CD47: variants seen among roughly 807,000 people sequenced by gnomAD.
The protein encoded by CD47 is leukocyte surface antigen CD47.
CD47 carries 11 observed loss-of-function variants against 44.6 expected under a neutral mutation model. The observed-to-expected ratio is 0.25, with a 90% confidence interval of 0.16 to 0.41. The LOEUF (loss-of-function observed/expected upper bound fraction) is 0.41. Among genes scored for constraint, CD47 ranks in the 10% least tolerant of loss-of-function variants. The pLI is 1.00. For synonymous variants in CD47, 140 were observed against 136.3 expected, an observed-to-expected ratio of 1.03 and a Z score of -0.19; for missense variants, 306 against 386.7, an observed-to-expected ratio of 0.79 and a Z score of 1.75.
Position 108,071,083 on chromosome 3 carries a change from TA to T in CD47, c.490+9del. On this transcript the variant is annotated intron_variant, in intron 3 of 10. Transcript: ENST00000361309. Reference sequence around the variant, plus strand: ...CTGAAACATAAATGAAAAGTAGAAATAATACTTACTTTTAATACCAAACTGT... The same window carrying T: ...CTGAAACATAAATGAAAAGTAGAAATATACTTACTTTTAATACCAAACTGT... 1 of 1,145,892 alleles carries T rather than the reference TA, an allele frequency of 8.7e-7. No homozygotes were observed. Among genetic ancestry groups the T allele is most frequent in the Non-Finnish European group, 1.3e-6 (1 of 792,836 alleles). 71.0% of individuals were successfully genotyped at this position (1,145,892 alleles called of 1,614,324 possible).
At chr3:108,056,198 A>G (rs2078910882) in intron 7 of CD47, among the ~76,000 whole-genome samples, 1 of 152,238 alleles carries the variant, frequency 6.6e-6, no homozygotes, top group Non-Finnish European at 1.5e-5. Context: ...CACTGTAGCT[A>G]CCACATGAAT....
chr3:108,088,062 TGA>T (rs1308209825), intron 1 of CD47, among the ~76,000 whole-genome samples: 1 of 152,110 alleles, frequency 6.6e-6, no homozygotes, highest in Non-Finnish European at 1.5e-5. Flanking sequence ...AAAATCAGAC[TGA>T]GAGATAAGAT....
At chr3:108,089,441 G>T (rs998987089) in intron 1 of CD47, among the ~76,000 whole-genome samples, 2 of 152,034 alleles carry the variant, frequency 1.3e-5, no homozygotes, top group African/African-American at 4.8e-5. Flanking sequence ...ATAGTATATG[G>T]TTTATACTTT....
intron 7 of CD47, among the ~76,000 whole-genome samples, chr3:108,057,165 TAC>T (rs1358259378): frequency 6.6e-6 from 1 of 152,172 alleles, no homozygotes; most frequent in Non-Finnish European, 1.5e-5. Flanking sequence ...TATAAAAAGG[TAC>T]ACATTCTAAT....
At chr3:108,090,583 C>A (rs1407522201) in intron 1 of CD47, among the ~76,000 whole-genome samples, 2 of 152,056 alleles carry the variant, frequency 1.3e-5, no homozygotes, top group African/African-American at 4.8e-5. Flanking sequence ...TGGAGTCTTC[C>A]TGTGTGTGTG....
intron 7 of CD47, chr3:108,053,312 G>T (rs2078860966): frequency 6.6e-6 from 1 of 152,250 alleles, no homozygotes; most frequent in Non-Finnish European, 1.5e-5. Context: ...TTCTCAAACA[G>T]GAAAAATGGC....
intron 1 of CD47, among the ~76,000 whole-genome samples, chr3:108,084,269 A>C (rs954622527): frequency 6.6e-6 from 1 of 151,978 alleles, no homozygotes; most frequent in East Asian, 1.9e-4. Flanking sequence ...AAAATCAAAT[A>C]TGCATGGTTC....
At chr3:108,089,334 T>C (rs2079583255) in intron 1 of CD47, among the ~76,000 whole-genome samples, 1 of 152,224 alleles carries the variant, frequency 6.6e-6, no homozygotes, top group African/African-American at 2.4e-5. Context: ...TGATATTAAC[T>C]ATTACTAAAG....
intron 3 of CD47, among the ~76,000 whole-genome samples, chr3:108,069,043 C>T (rs762010433): frequency 1.3e-5 from 2 of 152,150 alleles, no homozygotes; most frequent in Non-Finnish European, 2.9e-5. Flanking sequence ...TGCTTTTTCA[C>T]CCATCAAATT....
intron 2 of CD47, among the ~76,000 whole-genome samples, chr3:108,076,875 T>C (rs2079319894): frequency 1.3e-5 from 2 of 152,160 alleles, no homozygotes; most frequent in Non-Finnish European, 2.9e-5. Context: ...TCCATGATGG[T>C]GATGCCATCT....
At chr3:108,071,760 G>A (rs971717347) in intron 2 of CD47, among the ~76,000 whole-genome samples, 2 of 152,180 alleles carry the variant, frequency 1.3e-5, no homozygotes, top group African/African-American at 4.8e-5. Flanking sequence ...GTACCTTCAA[G>A]TAACAATGAA....
At chr3:108,080,452 T>A in intron 1 of CD47, 108 bp from the exon 2 acceptor site, 1 of 628,726 alleles carries the variant, frequency 1.6e-6, no homozygotes, top group Non-Finnish European at 2.8e-6. Flanking sequence ...CATTGTTCAC[T>A]TAAGTAAACA....
intron 4 of CD47, among the ~76,000 whole-genome samples, chr3:108,060,305 G>C (rs1236195809): frequency 1.3e-5 from 2 of 152,206 alleles, no homozygotes; most frequent in Admixed American, 6.5e-5. Context: ...TCTGAAAGGA[G>C]GAGCTTACCC....
At chr3:108,061,747 G>A (rs2079018828) in intron 3 of CD47, among the ~76,000 whole-genome samples, 1 of 152,138 alleles carries the variant, frequency 6.6e-6, no homozygotes, top group Admixed American at 6.5e-5. Context: ...CAACCTAAAA[G>A]CAAACTGAGT....
At chr3:108,077,259 G>A (rs11705815) in intron 2 of CD47, among the ~76,000 whole-genome samples, 14,869 of 152,112 alleles carry the variant, frequency 0.098, 1,459 homozygotes, top group East Asian at 0.55. Flanking sequence ...TGACAAGTAA[G>A]TATTCTTATT....
At chr3:108,071,215 T>C (rs776472013) in intron 2 of CD47, 33 bp from the exon 3 acceptor site, 9 of 968,892 alleles carry the variant, frequency 9.3e-6, no homozygotes, top group Non-Finnish European at 1.4e-5. Context: ...TCACAATTAA[T>C]ATTTACTATA....
chr3:108,061,975 G>T (rs2079022582), intron 3 of CD47, among the ~76,000 whole-genome samples: 1 of 152,038 alleles, frequency 6.6e-6, no homozygotes, highest in Non-Finnish European at 1.5e-5. Flanking sequence ...CTATGTTTAA[G>T]GTATATGACA....
At chr3:108,048,369 G>GTT (rs2078755533) in intron 10 of CD47, among the ~76,000 whole-genome samples, 1 of 113,000 alleles carries the variant, frequency 8.8e-6, no homozygotes, top group Non-Finnish European at 1.8e-5. Context: ...CATGACTGGA[G>GTT]TGTTTTTTTT....
At chr3:108,048,411 G>T in intron 10 of CD47, among the ~76,000 whole-genome samples, 1 of 116,352 alleles carries the variant, frequency 8.6e-6, no homozygotes, top group Non-Finnish European at 1.7e-5. Flanking sequence ...TTGAGACGGA[G>T]TCTTGCTCTG....
Sources: allele counts gnomAD v4.1 joint callset (sites outside exome capture counted in the v4.1 genomes callset), GRCh38; gene constraint gnomAD v4.1.1; transcripts MANE v1.5; gene names NCBI Gene and HGNC (gene_info 2026-07-23, HGNC 2026-07-21).